Variants in C12orf42 observed in about 807,000 individuals in gnomAD.
C12orf42 encodes chromosome 12 open reading frame 42, also known as uncharacterized protein C12orf42.
C12orf42 carries 25 observed loss-of-function variants against 21.6 expected under a neutral mutation model. The ratio of observed to expected loss-of-function variants is 1.16; its 90% confidence interval spans 0.84 to 1.62. The LOEUF (loss-of-function observed/expected upper bound fraction) is 1.62. Among genes scored for constraint, C12orf42 ranks in the 40% most tolerant of loss-of-function variants. The pLI is 0.00. For missense variants in C12orf42, 483 were observed against 459.3 expected (o/e 1.05, Z -0.47); for synonymous variants, 174 against 175.0 (o/e 0.99, Z 0.05).
chr12:103,319,809 G>A lies in C12orf42; in HGVS notation c.260-13464C>T, dbSNP rs76573733. On this transcript the variant is annotated intron_variant, in intron 4 of 5. Coordinates refer to ENST00000548883, the MANE Select transcript of C12orf42 (RefSeq NM_198521.5). ...TTGGGTCATAGTGGTTTTCTCCTTC[G>A]CACAGCAGTGGTGCTGAGCACAGCA... 0.011 allele frequency among the ~76,000 whole-genome samples: 1,742 copies of A among 152,158 alleles called. 96 individuals are homozygous for A. In the East Asian group the frequency reaches 0.19, roughly 17 times the overall value.
chr12:103,453,017 T>C (rs963404479), intron 2 of C12orf42, among the ~76,000 whole-genome samples: 2 of 113,314 alleles, frequency 1.8e-5, no homozygotes, highest in African/African-American at 3.4e-5. Flanking sequence ...CTAGAACTTA[T>C]AGTATATCAA....
the C12orf42 span, among the ~76,000 whole-genome samples, chr12:103,193,443 T>A: frequency 2.7e-5 from 4 of 150,484 alleles, no homozygotes; most frequent in Admixed American, 6.6e-5. Flanking sequence ...TAAAACTGAG[T>A]TCTTCCCTCA....
At chr12:103,221,035 A>G in the C12orf42 span, among the ~76,000 whole-genome samples, 141 of 152,362 alleles carry the variant, frequency 9.3e-4, no homozygotes, top group Non-Finnish European at 7.8e-4. Context: ...GCTGACGATT[A>G]GCAGGTTTGC....
chr12:103,176,137 C>G, the C12orf42 span, among the ~76,000 whole-genome samples: 1 of 152,036 alleles, frequency 6.6e-6, no homozygotes, highest in African/African-American at 2.4e-5. Flanking sequence ...AATTGCTTAC[C>G]GGCTAATTGT....
intron 4 of C12orf42, among the ~76,000 whole-genome samples, chr12:103,349,998 T>C (rs2042971471): frequency 1.3e-5 from 2 of 152,152 alleles, no homozygotes; most frequent in African/African-American, 2.4e-5. Context: ...TTGAAGAATA[T>C]TGTGGAAAGG....
At chr12:103,403,258 C>A (rs1403530434) in intron 2 of C12orf42, among the ~76,000 whole-genome samples, 1 of 152,010 alleles carries the variant, frequency 6.6e-6, no homozygotes, top group Non-Finnish European at 1.5e-5. Context: ...CGCCTGTAGT[C>A]CCAGCTGCTC....
the C12orf42 span, among the ~76,000 whole-genome samples, chr12:103,195,935 T>C: frequency 6.6e-6 from 1 of 152,158 alleles, no homozygotes; most frequent in Non-Finnish European, 1.5e-5. Flanking sequence ...TATTTAAGTT[T>C]TTCATCCATC....
chr12:103,413,988 C>G (rs886299929), intron 2 of C12orf42, among the ~76,000 whole-genome samples: 1 of 151,966 alleles, frequency 6.6e-6, no homozygotes, highest in East Asian at 1.9e-4. Flanking sequence ...ATGTGATTTT[C>G]TTTTCTTCTG....
intron 2 of C12orf42, among the ~76,000 whole-genome samples, chr12:103,417,392 C>T (rs888493630): frequency 2.6e-5 from 4 of 152,176 alleles, no homozygotes; most frequent in Admixed American, 2.0e-4. Flanking sequence ...TTTCCCTGCT[C>T]GTAAATCACC....
intron 4 of C12orf42, among the ~76,000 whole-genome samples, chr12:103,353,139 C>A (rs1379222352): frequency 6.6e-6 from 1 of 152,066 alleles, no homozygotes; most frequent in Non-Finnish European, 1.5e-5. Flanking sequence ...CCAAAAGACA[C>A]CTTGAGTTTT....
chr12:103,381,363 C>A (rs899958316), intron 3 of C12orf42, among the ~76,000 whole-genome samples: 2 of 152,140 alleles, frequency 1.3e-5, no homozygotes, highest in African/African-American at 4.8e-5. Flanking sequence ...AGGGTGAAGG[C>A]GTCCCAAGCA....
chr12:103,104,396 T>G, the C12orf42 span, among the ~76,000 whole-genome samples: 1 of 152,202 alleles, frequency 6.6e-6, no homozygotes, highest in African/African-American at 2.4e-5. Context: ...TTTGGATCTG[T>G]ATACCAATAG....
At chr12:103,439,662 C>A (rs866309245) in intron 2 of C12orf42, among the ~76,000 whole-genome samples, 174 of 151,560 alleles carry the variant, frequency 1.1e-3, no homozygotes, top group African/African-American at 4.0e-3. Context: ...AAAAAATGCT[C>A]ATCATCACTG....
the C12orf42 span, among the ~76,000 whole-genome samples, chr12:103,221,349 C>T: frequency 4.6e-5 from 7 of 152,302 alleles, no homozygotes; most frequent in Admixed American, 1.3e-4. Context: ...GAGATGAGCA[C>T]ATTGTAATTT....
In C12orf42 at chr12:103,396,921, G is replaced by A. The variant is rs541926560; in HGVS notation, c.147+4686C>T. Among the ~76,000 whole-genome samples, 5 of 152,282 alleles carry A rather than the reference G, an allele frequency of 3.3e-5. No individual in the cohort carries two copies. The South Asian group carries it at 1.0e-3, about 32-fold the overall frequency. ...GAAGCCCATTGGAAGTCTGTGAGCA[G>A]AAGAATATGATCTGTTTATATTTTT... is the stretch of plus-strand genomic sequence containing the variant. On this transcript the variant is annotated intron_variant, in intron 3 of 5. Coordinates refer to ENST00000548883, the MANE Select transcript of C12orf42 (RefSeq NM_198521.5).
chr12:103,167,904 GTGTGTGTGTT>G, the C12orf42 span: 21,272 of 329,346 alleles, frequency 0.065, 1,076 homozygotes, highest in East Asian at 0.16. Flanking sequence ...GTGTGTGTGT[GTGTGTGTGTT>G]TGTGTCTGTG....
the C12orf42 span, among the ~76,000 whole-genome samples, chr12:103,533,010 C>T: frequency 1.2e-4 from 18 of 152,192 alleles, no homozygotes; most frequent in Non-Finnish European, 1.9e-4. Flanking sequence ...GTTCACCCTA[C>T]GGTTCAGTCC....
At chr12:103,126,871 GTGC>G in the C12orf42 span, among the ~76,000 whole-genome samples, 1 of 152,172 alleles carries the variant, frequency 6.6e-6, no homozygotes, top group Non-Finnish European at 1.5e-5. Context: ...GGCATGATGA[GTGC>G]TAGGTGCTCA....
At chr12:103,192,880 T>G in the C12orf42 span, among the ~76,000 whole-genome samples, 1 of 151,998 alleles carries the variant, frequency 6.6e-6, no homozygotes, top group Admixed American at 6.5e-5. Context: ...AACTACACTG[T>G]AGAGCAAATG....
Sources: gnomAD v4.1 joint callset for allele counts (sites outside exome capture counted in the v4.1 genomes callset) on GRCh38, gnomAD v4.1.1 for gene constraint, MANE v1.5 for transcripts, NCBI Gene and HGNC (gene_info 2026-07-23, HGNC 2026-07-21) for gene names.